The following NFIA variants were observed in gnomAD, a reference collection of about 807,000 sequenced individuals.
NFIA encodes the protein nuclear factor I A, also known as nuclear factor 1 A-type.
A neutral mutation model predicts 62.8 loss-of-function variants in NFIA; 8 were observed. The observed-to-expected ratio is 0.13, with a 90% confidence interval of 0.07 to 0.23. The LOEUF (loss-of-function observed/expected upper bound fraction) is 0.23, where lower values mean the gene tolerates loss of function less well. Among genes scored for constraint, NFIA ranks in the 10% least tolerant of loss-of-function variants. NFIA has a pLI of 1.00. For missense variants in NFIA, 410 were observed against 642.1 expected (o/e 0.64, Z 3.91); for synonymous variants, 235 against 238.1 (o/e 0.99, Z 0.12).
intron 9 of NFIA, among the ~76,000 whole-genome samples, chr1:61,422,173 G>A (rs1210756916): frequency 6.6e-6 from 1 of 152,144 alleles, no homozygotes; most frequent in African/African-American, 2.4e-5. Context: ...TGAAATACAA[G>A]AATCATTTGA....
Position 61,406,542 on chromosome 1 carries a change from T to TTGGGGGGGG in NFIA, c.1255-20_1255-19insTGGGGGGGG. 1.1e-5 allele frequency: 14 copies of TTGGGGGGGG among 1,253,786 alleles called. No individual in the cohort carries two copies. Among genetic ancestry groups the TTGGGGGGGG allele is most frequent in the East Asian group, 3.1e-5 (1 of 32,728 alleles). 77.7% of individuals were successfully genotyped at this position (1,253,786 alleles called of 1,614,324 possible). ...TTCTTTTTCTTGTACGTGTGTTTTC[T>TTGGGGGGGG]GCCCCCCCCCCCCCCACAGCCCAAT... On this transcript the variant is annotated intron_variant, in intron 8 of 10. Coordinates refer to ENST00000403491, the MANE Select transcript of NFIA (RefSeq NM_001134673.4).
At chr1:61,081,998 CCCGGGGGGTGCGGGGCA>C (rs1646101937), upstream of NFIA, 1 of 1,550,384 alleles carries the variant, frequency 6.5e-7, no homozygotes, top group East Asian at 2.4e-5. Context: ...CACGCGGTGG[CCCGGGGGGTGCGGGGCA>C]ACCTGGCAAA....
intron 2 of NFIA, among the ~76,000 whole-genome samples, chr1:61,105,526 T>C (rs1646581240): frequency 6.6e-6 from 1 of 151,942 alleles, no homozygotes; most frequent in Admixed American, 6.6e-5. Context: ...GCCTTTCTTG[T>C]GGTGCTCGTC....
At chr1:61,078,384 C>T (rs1646057756), upstream of NFIA, among the ~76,000 whole-genome samples, 1 of 152,090 alleles carries the variant, frequency 6.6e-6, no homozygotes, top group East Asian at 1.9e-4. Flanking sequence ...TTTGCATTAG[C>T]TATTATTTTT....
chr1:61,206,819 C>T (rs994327056), intron 2 of NFIA, among the ~76,000 whole-genome samples: 1 of 152,154 alleles, frequency 6.6e-6, no homozygotes, highest in African/African-American at 2.4e-5. Flanking sequence ...CCTCCCAAGC[C>T]TACCTCATGG....
At chr1:61,448,288 A>G (rs1667909420) in intron 10 of NFIA, among the ~76,000 whole-genome samples, 1 of 152,236 alleles carries the variant, frequency 6.6e-6, no homozygotes. Context: ...TGATTTTAAT[A>G]TCGCAATTAA....
At chr1:61,195,686 T>G (rs1651941563) in intron 2 of NFIA, among the ~76,000 whole-genome samples, 1 of 152,210 alleles carries the variant, frequency 6.6e-6, no homozygotes, top group Non-Finnish European at 1.5e-5. Flanking sequence ...GGGATACTTA[T>G]TTTTTGTAAA....
chr1:61,402,129 C>A (rs1325922869), intron 7 of NFIA, among the ~76,000 whole-genome samples: 2 of 150,860 alleles, frequency 1.3e-5, no homozygotes, highest in Non-Finnish European at 2.9e-5. Flanking sequence ...GATCCGCCTC[C>A]CAGGTTCATG....
chr1:61,258,453 T>C (rs1475529874), intron 2 of NFIA, among the ~76,000 whole-genome samples: 1 of 152,236 alleles, frequency 6.6e-6, no homozygotes, highest in Non-Finnish European at 1.5e-5. Flanking sequence ...TAACTTCTGA[T>C]GTCTTTATTT....
intron 2 of NFIA, among the ~76,000 whole-genome samples, chr1:61,221,736 G>A (rs1570405986): frequency 6.6e-6 from 1 of 152,248 alleles, no homozygotes; most frequent in Non-Finnish European, 1.5e-5. Flanking sequence ...ATAAATAAGA[G>A]TGGCGTACAG....
intron 9 of NFIA, among the ~76,000 whole-genome samples, chr1:61,407,064 GA>G (rs1665875565): frequency 6.6e-6 from 1 of 152,222 alleles, no homozygotes. Context: ...ATTCTGCTTA[GA>G]AAAAGTTCCT....
chr1:61,376,123 A>C (rs1353143995), intron 6 of NFIA, among the ~76,000 whole-genome samples: 1 of 152,124 alleles, frequency 6.6e-6, no homozygotes, highest in Non-Finnish European at 1.5e-5. Context: ...TAAATGCCTC[A>C]ACTTAGTTGC....
chr1:61,304,226 A>G (rs1469929550), intron 3 of NFIA, among the ~76,000 whole-genome samples: 1 of 151,960 alleles, frequency 6.6e-6, no homozygotes, highest in Admixed American at 6.6e-5. Flanking sequence ...CAGTGAGCCA[A>G]GATCACGCCA....
At chr1:61,135,263 G>A (rs1647161380) in intron 2 of NFIA, among the ~76,000 whole-genome samples, 2 of 152,208 alleles carry the variant, frequency 1.3e-5, no homozygotes, top group Admixed American at 1.3e-4. Flanking sequence ...TGGCTTTTAA[G>A]AGAACTGAGG....
intron 3 of NFIA, among the ~76,000 whole-genome samples, chr1:61,283,593 A>AAAAAAAAAAAAAG (rs1658288707): frequency 3.7e-5 from 5 of 136,492 alleles, no homozygotes; most frequent in African/African-American, 1.4e-4. Context: ...AAAAAAAAAA[A>AAAAAAAAAAAAAG]AAAAAAAAAA....
At chr1:61,331,694 G>A (rs1661306564) in intron 3 of NFIA, among the ~76,000 whole-genome samples, 1 of 152,140 alleles carries the variant, frequency 6.6e-6, no homozygotes, top group Non-Finnish European at 1.5e-5. Flanking sequence ...TAGAGGTAGA[G>A]TGGGAAACTA....
chr1:61,390,772 G>T (rs1002523026), intron 7 of NFIA, among the ~76,000 whole-genome samples: 1 of 152,120 alleles, frequency 6.6e-6, no homozygotes, highest in Non-Finnish European at 1.5e-5. Flanking sequence ...AGATGGCAGG[G>T]CCTATTAGGG....
chr1:61,414,923 G>A (rs1023448534), intron 9 of NFIA, among the ~76,000 whole-genome samples: 6 of 152,004 alleles, frequency 3.9e-5, no homozygotes, highest in African/African-American at 9.7e-5. Flanking sequence ...GACAAGATAC[G>A]GAACAATCCC....
At chr1:61,393,870 A>G (rs1227420769) in intron 7 of NFIA, among the ~76,000 whole-genome samples, 3 of 152,182 alleles carry the variant, frequency 2.0e-5, no homozygotes, top group African/African-American at 7.2e-5. Flanking sequence ...AGCACAAGAA[A>G]AACCCAGGCC....
Sources: gnomAD v4.1 joint callset for allele counts (sites outside exome capture counted in the v4.1 genomes callset) on GRCh38, gnomAD v4.1.1 for gene constraint, MANE v1.5 for transcripts, NCBI Gene and HGNC (gene_info 2026-07-23, HGNC 2026-07-21) for gene names.